The following OR4K1 variants were observed in gnomAD, a reference collection of about 807,000 sequenced individuals.
The protein encoded by OR4K1 is olfactory receptor family 4 subfamily K member 1, also known as olfactory receptor 4K1.
In OR4K1, 16 loss-of-function variants were observed where a neutral mutation model predicts 14.4. The observed-to-expected ratio is 1.11, with a 90% CI of 0.75 to 1.68. OR4K1 has a LOEUF of 1.68. OR4K1 is among the 40% of genes most tolerant of loss of function. The pLI is 0.00. For synonymous variants in OR4K1, 181 were observed against 133.1 expected, an observed-to-expected ratio of 1.36 and a Z score of -2.48; for missense variants, 548 against 376.9, an observed-to-expected ratio of 1.45 and a Z score of -3.76.
rs1164667069 is a variant in OR4K1 at position 19,936,502 on chromosome 14, C to T, written c.836C>T (p.Thr279Ile). 4 of 1,613,930 alleles carry T rather than the reference C, an allele frequency of 2.5e-6. No individual in the cohort carries two copies. The highest frequency in any genetic ancestry group is 1.1e-5 in the South Asian group (1 of 91,084). Reference protein sequence around the residue: ...KFLSVFYTVCTPLLNPIIYSL... With the variant: ...KFLSVFYTVCIPLLNPIIYSL... ...CTTTCTGTGTTCTACACTGTTTGTA[C>T]TCCCTTGTTGAACCCCATCATCTAC... The change falls in exon 2 of 2, where the codon ACT becomes ATT. Residue 279 changes from threonine to isoleucine, a missense_variant. Coordinates refer to ENST00000641172, the MANE Select transcript of OR4K1 (RefSeq NM_001004063.3).
chr14:19,921,364 C>T, the OR4K1 span: 3 of 1,614,132 alleles, frequency 1.9e-6, no homozygotes, highest in Non-Finnish European at 2.5e-6. Flanking sequence ...TTCTTTGGAC[C>T]TTGCATCTTC....
chr14:19,922,365 C>T, the OR4K1 span, among the ~76,000 whole-genome samples: 1 of 152,242 alleles, frequency 6.6e-6, no homozygotes, highest in Non-Finnish European at 1.5e-5. Context: ...TGGTACTCAT[C>T]CTCCAGCAAG....
chr14:19,924,147 T>C, the OR4K1 span, among the ~76,000 whole-genome samples: 2 of 152,136 alleles, frequency 1.3e-5, no homozygotes, highest in Non-Finnish European at 2.9e-5. Context: ...ACGCCTGTAA[T>C]CCTAGCACTT....
chr14:19,930,885 C>T (rs1404196934), upstream of OR4K1: 8 of 152,234 alleles, frequency 5.3e-5, no homozygotes, highest in African/African-American at 1.4e-4. Flanking sequence ...ATTGTATTGC[C>T]TTAAGTTATT....
the OR4K1 span, among the ~76,000 whole-genome samples, chr14:19,923,472 A>T: frequency 6.6e-6 from 1 of 152,220 alleles, no homozygotes; most frequent in Non-Finnish European, 1.5e-5. Context: ...ATTGCATTGG[A>T]TTCATGTGTT....
chr14:19,924,494 T>C, the OR4K1 span, among the ~76,000 whole-genome samples: 9 of 151,446 alleles, frequency 5.9e-5, no homozygotes, highest in Non-Finnish European at 8.8e-5. Flanking sequence ...TTTTTAATAA[T>C]CGCCATCCTG....
chr14:19,931,939 G>C, intron 1 of OR4K1, among the ~76,000 whole-genome samples: 1 of 152,204 alleles, frequency 6.6e-6, no homozygotes, highest in Non-Finnish European at 1.5e-5. Flanking sequence ...AGATAATCCA[G>C]TTCTATCTTT....
the OR4K1 span, chr14:19,921,494 T>A: frequency 6.2e-7 from 1 of 1,614,056 alleles, no homozygotes; most frequent in South Asian, 1.1e-5. Context: ...ATATGAAGGC[T>A]GCCGTAAGGA....
chr14:19,922,896 T>A, the OR4K1 span, among the ~76,000 whole-genome samples: 1 of 152,244 alleles, frequency 6.6e-6, no homozygotes, highest in East Asian at 1.9e-4. Context: ...GCCTTTGTAA[T>A]AATTTTTAGA....
the OR4K1 span, chr14:19,920,814 G>T: frequency 3.9e-4 from 624 of 1,613,942 alleles, no homozygotes; most frequent in East Asian, 0.014. Flanking sequence ...TTCCTTTGTT[G>T]ACATTTGTCA....
intron 1 of OR4K1, among the ~76,000 whole-genome samples, chr14:19,935,187 T>G (rs1289441728): frequency 1.3e-5 from 2 of 152,244 alleles, no homozygotes; most frequent in Non-Finnish European, 2.9e-5. Context: ...GATTCTTTAT[T>G]CATGTTATTC....
the OR4K1 span, among the ~76,000 whole-genome samples, chr14:19,923,224 T>C: frequency 6.6e-6 from 1 of 152,216 alleles, no homozygotes. Flanking sequence ...CTTCAGTGTA[T>C]GTATGGATTT....
chr14:19,935,381 T>A (rs1448582325), intron 1 of OR4K1, among the ~76,000 whole-genome samples: 1 of 152,230 alleles, frequency 6.6e-6, no homozygotes, highest in Non-Finnish European at 1.5e-5. Context: ...CTGTTTCTGA[T>A]TTTATATTTT....
At chr14:19,928,172 G>A (rs2138586280), upstream of OR4K1, among the ~76,000 whole-genome samples, 1 of 152,304 alleles carries the variant, frequency 6.6e-6, no homozygotes, top group African/African-American at 2.4e-5. Flanking sequence ...CAGATAACAA[G>A]GAATAGACAA....
the OR4K1 span, chr14:19,921,052 G>A: frequency 6.2e-7 from 1 of 1,614,170 alleles, no homozygotes; most frequent in Non-Finnish European, 8.5e-7. Context: ...ATGATCTCCT[G>A]GGCTGTGAGC....
chr14:19,926,223 A>C (rs1236676085), upstream of OR4K1, among the ~76,000 whole-genome samples: 7 of 152,180 alleles, frequency 4.6e-5, no homozygotes, highest in Admixed American at 6.5e-5. Context: ...GTTGTAGAAA[A>C]CCTCTCGTCT....
the OR4K1 span, chr14:19,921,298 C>T: frequency 3.7e-6 from 6 of 1,614,068 alleles, no homozygotes; most frequent in Admixed American, 6.7e-5. Context: ...AAGTCTTCAG[C>T]TGCAATGGCA....
chr14:19,936,659 T>A lies in OR4K1; in HGVS notation c.*57T>A. On this transcript the variant is annotated 3_prime_UTR_variant, in exon 2 of 2. Coordinates refer to ENST00000641172, the MANE Select transcript of OR4K1 (RefSeq NM_001004063.3). ...AGAATGAAGACCCTCCAGTGTATCA[T>A]AGTGTCATGCCAACCATCTTTGCCA... The A allele has an allele frequency of 6.8e-7, 1 of 1,459,868 alleles. No individual in the cohort carries two copies. Among genetic ancestry groups the A allele is most frequent in the Non-Finnish European group, 9.2e-7 (1 of 1,083,916 alleles). 90.4% of individuals were successfully genotyped at this position (1,459,868 alleles called of 1,614,324 possible).
In OR4K1 at chr14:19,935,897, C is replaced by T. The variant is rs1882301154; in HGVS notation, c.231C>T (p.Ala77=). 6.2e-7 allele frequency: 1 copy of T among 1,614,258 alleles called. No individual in the cohort carries two copies. The highest frequency in any genetic ancestry group is 1.1e-5 in the South Asian group (1 of 91,082). ...SFIDICQSNF[A]TPKMLVDFFI... ...TTGATATCTGTCAGTCTAACTTTGC[C>T]ACCCCCAAGATGCTTGTAGACTTTT... Residue 77 remains alanine (A), a synonymous_variant, in exon 2 of 2, where the codon GCC becomes GCT. Transcript: ENST00000641172.
Sources: allele counts gnomAD v4.1 joint callset (sites outside exome capture counted in the v4.1 genomes callset), GRCh38; gene constraint gnomAD v4.1.1; transcripts MANE v1.5; gene names NCBI Gene and HGNC (gene_info 2026-07-23, HGNC 2026-07-21).